PLAC1: variants seen among roughly 807,000 people sequenced by gnomAD.
PLAC1 encodes placenta-specific protein 1.
For synonymous variants in PLAC1, 68 were observed against 62.1 expected, an observed-to-expected ratio of 1.09 and a Z score of -0.44; for missense variants, 136 against 163.2, an observed-to-expected ratio of 0.83 and a Z score of 0.91.
chrX:134,753,684 G>A (rs2078749952), intron 1 of PLAC1, among the ~76,000 whole-genome samples: 1 of 110,838 alleles, frequency 9.0e-6, no homozygotes, highest in Admixed American at 9.7e-5. Context: ...AGAAATTTCG[G>A]AGACTTGAGG....
rs534945066 is a variant in PLAC1, at chrX:134,711,227, G to A, written n.174+22208C>T. On this transcript the variant is annotated intron_variant and non_coding_transcript_variant, in intron 2 of 2. Transcript: ENST00000466797. ...CCTTAGGTTGGACAGCTCGGAGAAAGGGAACAGAGCACACTTCCCCACTCA... is the reference window on the plus strand; with the variant it reads ...CCTTAGGTTGGACAGCTCGGAGAAAAGGAACAGAGCACACTTCCCCACTCA... 2.9e-4 allele frequency among the ~76,000 whole-genome samples: 32 copies of A among 111,936 alleles called. No individual in the cohort carries two copies. In the South Asian group the frequency reaches 5.2e-3, roughly 18 times the overall value.
chrX:134,605,274 G>A (rs918447397), intron 1 of PLAC1, among the ~76,000 whole-genome samples: 5 of 111,437 alleles, frequency 4.5e-5, no homozygotes, highest in East Asian at 2.8e-4. Flanking sequence ...TTTCCACACC[G>A]GTATTTTCAA....
At chrX:134,665,627 A>G (rs1168950236) in intron 2 of PLAC1, among the ~76,000 whole-genome samples, 4 of 111,392 alleles carry the variant, frequency 3.6e-5, no homozygotes, top group Non-Finnish European at 5.6e-5. Flanking sequence ...CTGTGGGATG[A>G]TGCCATTATT....
chrX:134,630,215 C>T (rs757835322), intron 1 of PLAC1, among the ~76,000 whole-genome samples: 3 of 111,389 alleles, frequency 2.7e-5, no homozygotes, highest in Non-Finnish European at 3.8e-5. Flanking sequence ...GGGTGATCTG[C>T]CCCCCTCGGC....
chrX:134,577,689 A>G (rs2077947034), intron 2 of PLAC1, among the ~76,000 whole-genome samples: 1 of 109,742 alleles, frequency 9.1e-6, no homozygotes, highest in Non-Finnish European at 1.9e-5. Flanking sequence ...GACTCCACCA[A>G]AGAAAAAAAA....
At chrX:134,721,523 G>A (rs905449122) in intron 2 of PLAC1, among the ~76,000 whole-genome samples, 3 of 107,402 alleles carry the variant, frequency 2.8e-5, no homozygotes, top group Non-Finnish European at 3.8e-5. Flanking sequence ...AGCTATGATC[G>A]CTGCCACTGC....
chrX:134,697,349 G>A (rs1358686285), intron 2 of PLAC1, among the ~76,000 whole-genome samples: 2 of 111,033 alleles, frequency 1.8e-5, no homozygotes, highest in African/African-American at 6.6e-5. Flanking sequence ...AGAATGTATG[G>A]TCATTGTAAA....
At chrX:134,688,286 T>A (rs1026400596) in intron 2 of PLAC1, among the ~76,000 whole-genome samples, 1 of 111,975 alleles carries the variant, frequency 8.9e-6, no homozygotes, top group African/African-American at 3.2e-5. Flanking sequence ...TTTCATTCAC[T>A]GAGCAAGTAT....
intron 1 of PLAC1, among the ~76,000 whole-genome samples, chrX:134,630,973 C>T (rs1392732851): frequency 1.8e-5 from 2 of 111,479 alleles, no homozygotes; most frequent in Non-Finnish European, 1.9e-5. Flanking sequence ...AGACCACATA[C>T]TGTATGATTC....
At chrX:134,726,605 A>G (rs2078674939) in intron 2 of PLAC1, among the ~76,000 whole-genome samples, 1 of 110,668 alleles carries the variant, frequency 9.0e-6, no homozygotes, top group Non-Finnish European at 1.9e-5. Context: ...CGGCCGGATC[A>G]TGAGGTCAGG....
At chrX:134,583,886 G>C (rs2077987211) in intron 2 of PLAC1, among the ~76,000 whole-genome samples, 1 of 111,066 alleles carries the variant, frequency 9.0e-6, no homozygotes, top group Admixed American at 9.6e-5. Context: ...GGGAGAGAGA[G>C]AAGGAGAGAA....
chrX:134,745,699 G>T (rs1047595847), intron 1 of PLAC1, among the ~76,000 whole-genome samples: 2 of 111,876 alleles, frequency 1.8e-5, no homozygotes, highest in African/African-American at 6.5e-5. Flanking sequence ...TCTAAAATGG[G>T]CTTTCCCTTC....
At chrX:134,715,072 A>G (rs776026292) in intron 2 of PLAC1, among the ~76,000 whole-genome samples, 2 of 112,274 alleles carry the variant, frequency 1.8e-5, no homozygotes, top group East Asian at 5.6e-4. Flanking sequence ...AACACAGATC[A>G]GTTGCTAAGC....
chrX:134,742,652 GT>G (rs755128984), intron 1 of PLAC1, among the ~76,000 whole-genome samples: 145 of 110,924 alleles, frequency 1.3e-3, no homozygotes, highest in African/African-American at 4.6e-3. Context: ...CTCTGAGAGG[GT>G]TTTTTTAAGT....
intron 2 of PLAC1, among the ~76,000 whole-genome samples, chrX:134,723,996 A>C (rs1484569052): frequency 9.1e-6 from 1 of 110,188 alleles, no homozygotes; most frequent in Non-Finnish European, 1.9e-5. Flanking sequence ...TGAAAAAAAA[A>C]AACATAAAAC....
At chrX:134,625,197 C>A (rs4830300) in intron 1 of PLAC1, among the ~76,000 whole-genome samples, 2 of 111,897 alleles carry the variant, frequency 1.8e-5, no homozygotes, top group African/African-American at 3.2e-5. Flanking sequence ...CAGGTTGCAG[C>A]TGGGCTCCAG....
chrX:134,738,247 C>T (rs933966484), intron 1 of PLAC1, among the ~76,000 whole-genome samples: 4 of 112,133 alleles, frequency 3.6e-5, no homozygotes, highest in Non-Finnish European at 7.5e-5. Context: ...TCTGCAAGCC[C>T]TTAGCAGAAG....
intron 2 of PLAC1, among the ~76,000 whole-genome samples, chrX:134,577,769 G>A (rs995996512): frequency 9.1e-6 from 1 of 109,747 alleles, no homozygotes; most frequent in Non-Finnish European, 1.9e-5. Context: ...GTGTGTGTGT[G>A]TGTGTGTGTG....
At chrX:134,682,224 T>A (rs1314440568) in intron 2 of PLAC1, among the ~76,000 whole-genome samples, 1 of 112,798 alleles carries the variant, frequency 8.9e-6, no homozygotes, top group African/African-American at 3.2e-5. Context: ...TCTGTATTTA[T>A]GCCTTGGCAT....
Sources: allele counts gnomAD v4.1 joint callset (sites outside exome capture counted in the v4.1 genomes callset), GRCh38; gene constraint gnomAD v4.1.1; transcripts MANE v1.5; gene names NCBI Gene and HGNC (gene_info 2026-07-23, HGNC 2026-07-21).